Variants in ETV6 observed in about 807,000 individuals in gnomAD.
ETV6 encodes ETS variant transcription factor 6.
A neutral mutation model predicts 51.1 loss-of-function variants in ETV6; 16 were observed. The ratio of observed to expected loss-of-function variants is 0.31; its 90% CI spans 0.21 to 0.48. The LOEUF (loss-of-function observed/expected upper bound fraction) is 0.48. Ranked by LOEUF, ETV6 falls within the 20% of genes least tolerant of loss-of-function variation. The probability of loss-of-function intolerance (pLI) is 0.99; values close to 1 mark genes in which losing one functional copy is unlikely to be tolerated. For synonymous variants in ETV6, 240 were observed against 224.1 expected, an observed-to-expected ratio of 1.07 and a Z score of -0.64; for missense variants, 458 against 594.8, an observed-to-expected ratio of 0.77 and a Z score of 2.39.
intron 2 of ETV6, among the ~76,000 whole-genome samples, chr12:11,837,946 G>T (rs183296634): frequency 6.6e-6 from 1 of 152,190 alleles, no homozygotes; most frequent in East Asian, 1.9e-4. Context: ...TTAAACCTGG[G>T]TATTTACAAA....
chr12:11,731,001 GC>G (rs1156663494), intron 1 of ETV6, among the ~76,000 whole-genome samples: 2 of 152,196 alleles, frequency 1.3e-5, no homozygotes, highest in Admixed American at 1.3e-4. Flanking sequence ...TCTAGGCCAA[GC>G]CCCTCCAGTG....
intron 5 of ETV6, among the ~76,000 whole-genome samples, chr12:11,879,263 G>A (rs1046017314): frequency 6.6e-6 from 1 of 152,194 alleles, no homozygotes; most frequent in Non-Finnish European, 1.5e-5. Flanking sequence ...CACTTGGGCA[G>A]TTAAAAGAAC....
At chr12:11,851,076 G>C (rs905830908) in intron 3 of ETV6, among the ~76,000 whole-genome samples, 1 of 151,960 alleles carries the variant, frequency 6.6e-6, no homozygotes, top group Non-Finnish European at 1.5e-5. Context: ...CACAGGAGTT[G>C]GGACTCCCAC....
intron 1 of ETV6, among the ~76,000 whole-genome samples, chr12:11,735,156 C>T (rs1865680233): frequency 8.1e-6 from 1 of 123,192 alleles, no homozygotes; most frequent in South Asian, 2.9e-4. Flanking sequence ...TTCTTCACTT[C>T]CCTGTGTACC....
Position 11,749,251 on chromosome 12 carries a change from G to A in ETV6, c.34-3199G>A, listed in dbSNP as rs148535621. 2.0e-3 allele frequency among the ~76,000 whole-genome samples: 290 copies of A among 147,172 alleles called. 1 individual carries two copies. Among genetic ancestry groups the A allele is most frequent in the African/African-American group, 6.8e-3 (268 of 39,642 alleles). On this transcript the variant is annotated intron_variant, in intron 1 of 7. Transcript: ENST00000396373. ...AGCATTTTAATTTAATTAGAGCAGC[G>A]GTTATAATCCTCTTGGGAAAATCGT...
chr12:11,874,539 T>C lies in ETV6; in HGVS notation c.1009+4570T>C, dbSNP rs1228406028. On this transcript the variant is annotated intron_variant, in intron 5 of 7. Transcript: ENST00000396373. The stretch of plus-strand genomic sequence containing the variant: ...GTACACACATATATGTGTATGTGCG[T>C]GTGTACACACATATATGTGTATGTG... Among the ~76,000 whole-genome samples, 40 of 19,790 alleles carry C rather than the reference T, an allele frequency of 2.0e-3. 14 individuals carry two copies. Among genetic ancestry groups the C allele is most frequent in the African/African-American group, 4.2e-3 (40 of 9,576 alleles). 13.0% of individuals were successfully genotyped at this position (19,790 alleles called of 152,430 possible).
chr12:11,869,351 T>C lies in ETV6; in HGVS notation c.464-73T>C. The C allele has an allele frequency of 7.1e-7, 1 of 1,410,138 alleles. No homozygotes were observed. The highest frequency in any genetic ancestry group is 9.7e-7 in the Non-Finnish European group (1 of 1,028,710). 87.4% of individuals were successfully genotyped at this position (1,410,138 alleles called of 1,614,324 possible). A position where few individuals can be genotyped will look rare whatever the true frequency, so the allele number is the denominator to read the frequency against. On this transcript the variant is annotated intron_variant, in intron 4 of 7. Transcript: ENST00000396373. The surrounding 1 kb of genome is among the most constrained non-coding windows in gnomAD (Gnocchi z 5.0). The stretch of plus-strand genomic sequence containing the variant: ...CCTACACGCTCCTCCATTTACCGCC[T>C]GTAGAGCCGCAGGGAGTTTCCTGTC...
intron 1 of ETV6, among the ~76,000 whole-genome samples, chr12:11,727,810 AT>A (rs201835834): frequency 0.02 from 2,991 of 151,534 alleles, 102 homozygotes; most frequent in African/African-American, 0.068. Flanking sequence ...CCTTTTTTAA[AT>A]TTTTTTTTAT....
intron 1 of ETV6, among the ~76,000 whole-genome samples, chr12:11,699,867 A>G (rs1159543213): frequency 1.3e-5 from 2 of 152,192 alleles, no homozygotes; most frequent in Admixed American, 1.3e-4. Context: ...GGCCAAGGTC[A>G]TGCATTGGAC....
chr12:11,686,433 C>A (rs997178531), intron 1 of ETV6, among the ~76,000 whole-genome samples: 1 of 152,236 alleles, frequency 6.6e-6, no homozygotes, highest in African/African-American at 2.4e-5. Flanking sequence ...CATGAGCTTT[C>A]ATGCCCTTTA....
intron 2 of ETV6, among the ~76,000 whole-genome samples, chr12:11,769,885 A>G (rs761489914): frequency 2.0e-5 from 3 of 152,192 alleles, no homozygotes; most frequent in African/African-American, 4.8e-5. Context: ...CCTGAAGCCC[A>G]GAGCTGTGAC....
intron 3 of ETV6, chr12:11,840,351 T>C (rs1946371098): frequency 2.2e-6 from 1 of 447,968 alleles, no homozygotes; most frequent in African/African-American, 2.0e-5. Flanking sequence ...AGAAGGTACC[T>C]GTCTGGGAAC....
At position 11,666,133 on chromosome 12, in the gene ETV6, G is replaced by C. The variant is rs546094175; in HGVS notation, c.33+15973G>C. ...TCACCACCGTATGGGGCTGCCAGTTGCTCCCCCACCCCATTCCTCTAAGAG... is the reference window on the plus strand; with the variant it reads ...TCACCACCGTATGGGGCTGCCAGTTCCTCCCCCACCCCATTCCTCTAAGAG... On this transcript the variant is annotated intron_variant, in intron 1 of 7. Coordinates refer to ENST00000396373, the MANE Select transcript of ETV6 (RefSeq NM_001987.5). 2.0e-5 allele frequency among the ~76,000 whole-genome samples: 3 copies of C among 152,272 alleles called. No homozygotes were observed. The South Asian group carries it at 6.2e-4, about 32-fold the overall frequency.
At chr12:11,837,124 T>C (rs1179937429) in intron 2 of ETV6, among the ~76,000 whole-genome samples, 1 of 152,218 alleles carries the variant, frequency 6.6e-6, no homozygotes, top group Non-Finnish European at 1.5e-5. Context: ...TCAAGGTCAT[T>C]GGAGAGAGCT....
intron 2 of ETV6, among the ~76,000 whole-genome samples, chr12:11,779,551 C>G (rs1945381953): frequency 6.6e-6 from 1 of 152,206 alleles, no homozygotes; most frequent in South Asian, 2.1e-4. Context: ...AGAAATATTT[C>G]CAGGATTGAA....
chr12:11,817,917 A>G (rs1946017086), intron 2 of ETV6, among the ~76,000 whole-genome samples: 1 of 152,250 alleles, frequency 6.6e-6, no homozygotes, highest in African/African-American at 2.4e-5. Flanking sequence ...ACATTTTTAG[A>G]AGGAGGCTTC....
chr12:11,738,217 C>T (rs1195493311), intron 1 of ETV6, among the ~76,000 whole-genome samples: 1 of 142,194 alleles, frequency 7.0e-6, no homozygotes, highest in Non-Finnish European at 1.6e-5. Flanking sequence ...TCCTTCCTTC[C>T]TTCCTTCCCT....
intron 5 of ETV6, among the ~76,000 whole-genome samples, chr12:11,870,624 A>G (rs907824952): frequency 6.6e-6 from 1 of 152,246 alleles, no homozygotes; most frequent in African/African-American, 2.4e-5. Flanking sequence ...CTCATTCTTC[A>G]GAAGCTTAAT....
chr12:11,722,935 G>A (rs1865417886), intron 1 of ETV6, among the ~76,000 whole-genome samples: 1 of 152,182 alleles, frequency 6.6e-6, no homozygotes, highest in Admixed American at 6.5e-5. Flanking sequence ...GATTTGGTAG[G>A]ACTGGGGTGG....
Sources: allele counts gnomAD v4.1 joint callset (sites outside exome capture counted in the v4.1 genomes callset), GRCh38; gene constraint gnomAD v4.1.1; non-coding constraint Gnocchi (gnomAD v3.1); transcripts MANE v1.5; gene names NCBI Gene and HGNC (gene_info 2026-07-23, HGNC 2026-07-21).